Variants in INSYN1 observed in about 807,000 individuals in gnomAD.
The protein encoded by INSYN1 is UPF0583 protein C15orf59.
A neutral mutation model predicts 17.1 loss-of-function variants in INSYN1; 7 were observed. The observed-to-expected ratio is 0.41, with a 90% CI of 0.23 to 0.77. INSYN1 has a LOEUF of 0.77. Ranked by LOEUF, INSYN1 falls within the 30% of genes least tolerant of loss-of-function variation. The pLI is 0.32. For missense variants in INSYN1, 339 were observed against 400.6 expected (o/e 0.85, Z 1.31); for synonymous variants, 174 against 166.3 (o/e 1.05, Z -0.36).
chr15:73,750,880 T>C, intron 2 of INSYN1, 95 bp downstream of exon 2: 1 of 1,364,280 alleles, frequency 7.3e-7, no homozygotes, highest in Non-Finnish European at 1.0e-6. Context: ...TGCACGCAGC[T>C]TTGCACACTC....
intron 2 of INSYN1, among the ~76,000 whole-genome samples, chr15:73,744,856 A>T (rs1484022712): frequency 1.3e-5 from 2 of 152,078 alleles, no homozygotes; most frequent in African/African-American, 4.8e-5. Flanking sequence ...GTGTTTGCCG[A>T]GGGGGGCAAT....
In INSYN1 at chr15:73,751,090, T is replaced by C. The variant is rs766573002; in HGVS notation, c.41A>G (p.Asp14Gly). ...RGAPDLGQPS[D>G]DPSSGGERER... ...CCGCTCACCACCACTGCTGGGGTCG[T>C]CACTGGGCTGCCCGAGGTCCGGGGC... Residue 14 changes from aspartate to glycine, a missense_variant, in exon 2 of 3, where the codon GAC (aspartate) becomes GGC (glycine). By Grantham distance (94) the Asp-to-Gly change is moderately conservative. Transcript: ENST00000569673. 1.2e-6 allele frequency: 2 copies of C among 1,613,994 alleles called. No individual in the cohort carries two copies. The highest frequency in any genetic ancestry group is 2.2e-5 in the South Asian group (2 of 91,086).
At chr15:73,747,455 G>A (rs1193960360) in intron 2 of INSYN1, among the ~76,000 whole-genome samples, 1 of 152,214 alleles carries the variant, frequency 6.6e-6, no homozygotes, top group African/African-American at 2.4e-5. Context: ...GCCAGTTTTA[G>A]AATAATTCAT....
intron 2 of INSYN1, among the ~76,000 whole-genome samples, chr15:73,749,161 T>A (rs1400199757): frequency 3.9e-5 from 6 of 151,994 alleles, no homozygotes; most frequent in Non-Finnish European, 8.8e-5. Flanking sequence ...GCATAAGAGA[T>A]CATCTCTGGA....
rs947219328 is a variant in INSYN1, at chr15:73,739,956, G to A, written c.843C>T (p.Pro281=). 1.2e-6 allele frequency: 2 copies of A among 1,604,140 alleles called. No individual in the cohort carries two copies. Among genetic ancestry groups the A allele is most frequent in the Non-Finnish European group, 1.7e-6 (2 of 1,174,936 alleles). Reference sequence around the variant, plus strand: ...TGGCTTTCTGTCTAGTGGCTGTGTAGGGCAGAACCGTCTGCGTGCTCTTGT... The same window carrying A: ...TGGCTTTCTGTCTAGTGGCTGTGTAAGGCAGAACCGTCTGCGTGCTCTTGT... The part of the protein sequence containing the change: ...VSDKSTQTVL[P]YTATRQKARG... The change falls in exon 3 of 3, where the codon CCC becomes CCT. Residue 281 remains proline (P), a synonymous_variant. Coordinates refer to ENST00000569673, the MANE Select transcript of INSYN1 (RefSeq NM_001039614.3).
intron 2 of INSYN1, among the ~76,000 whole-genome samples, chr15:73,749,239 G>A (rs1433224329): frequency 6.6e-6 from 1 of 152,206 alleles, no homozygotes; most frequent in Non-Finnish European, 1.5e-5. Context: ...AAAGGCATCA[G>A]GAACCCGAGT....
In INSYN1 at chr15:73,739,618, C is replaced by T. The variant is rs1214591976; in HGVS notation, c.*299G>A. ...CTCCACCACAGAGTTCAGGGGCTAG[C>T]AAAAGGAGGATCAGACCTCCCATCA... On this transcript the variant is annotated 3_prime_UTR_variant, in exon 3 of 3. Transcript: ENST00000569673. 1 of 153,220 alleles carries T rather than the reference C, an allele frequency of 6.5e-6. No individual in the cohort carries two copies. Among genetic ancestry groups the T allele is most frequent in the African/African-American group, 2.4e-5 (1 of 41,438 alleles). 9.5% of individuals were successfully genotyped at this position (153,220 alleles called of 1,614,324 possible). A position where few individuals can be genotyped will look rare whatever the true frequency, so the allele number is the denominator to read the frequency against.
At chr15:73,751,802 AT>A (rs36121333) in intron 1 of INSYN1, 105 bp from the exon 2 acceptor site, 134,428 of 152,076 alleles carry the variant, frequency 0.88, 59,752 homozygotes, top group Non-Finnish European at 0.93. Context: ...CTCGCTGGGG[AT>A]TTTTTTTTCT....
intron 2 of INSYN1, 123 bp from the exon 3 acceptor site, chr15:73,740,765 A>G: frequency 1.2e-6 from 1 of 814,982 alleles, no homozygotes. Context: ...GACAGGGGAG[A>G]GCCTGTAGGA....
intron 2 of INSYN1, among the ~76,000 whole-genome samples, chr15:73,749,279 G>A (rs1046199028): frequency 6.6e-6 from 1 of 152,194 alleles, no homozygotes; most frequent in Non-Finnish European, 1.5e-5. Flanking sequence ...CTGGTAGGCT[G>A]TGTAACCTTG....
intron 2 of INSYN1, among the ~76,000 whole-genome samples, chr15:73,749,099 G>C (rs368336213): frequency 6.6e-5 from 10 of 152,246 alleles, no homozygotes; most frequent in African/African-American, 1.4e-4. Flanking sequence ...GGGAAGGAGA[G>C]GGCATCTAAA....
chr15:73,740,330 G>C lies in INSYN1; in HGVS notation c.469C>G (p.Pro157Ala). Reference sequence around the variant, plus strand: ...AAGGCCTCCTCACTGGAGGAGTCTGGGGTCTCCACTCGTGGCCCATTGGGG... The same window carrying C: ...AAGGCCTCCTCACTGGAGGAGTCTGCGGTCTCCACTCGTGGCCCATTGGGG... ...PIPNGPRVETPDSSSEEAFGA... is the reference protein window; with the variant it reads ...PIPNGPRVETADSSSEEAFGA... Residue 157 changes from proline (P) to alanine (A), a missense_variant, in exon 3 of 3, where the codon CCA becomes GCA. By Grantham distance (27) the Pro-to-Ala change is conservative. Transcript: ENST00000569673. The C allele has an allele frequency of 1.2e-6, 2 of 1,610,670 alleles. No individual in the cohort carries two copies. The highest frequency in any genetic ancestry group is 4.5e-5 in the East Asian group (2 of 44,848).
rs1272251846 is a variant in INSYN1, at chr15:73,753,207, C to T, written c.-1665G>A. On this transcript the variant is annotated 5_prime_UTR_variant, in exon 1 of 3. Transcript: ENST00000569673. This position sits in a 1 kb window ranked among gnomAD's most constrained non-coding sequence, Gnocchi z 4.2. ...GCCTGGGCCCGCTCCCCAAGCGCCG[C>T]GGCGCCGCGCCGCCCGCGCCCCGGC... 1.4e-5 allele frequency among the ~76,000 whole-genome samples: 2 copies of T among 144,404 alleles called. No individual in the cohort carries two copies. Among genetic ancestry groups the T allele is most frequent in the South Asian group, 4.3e-4 (2 of 4,682 alleles). 94.7% of individuals were successfully genotyped at this position (144,404 alleles called of 152,430 possible).
chr15:73,746,876 C>A (rs1264756963), intron 2 of INSYN1, among the ~76,000 whole-genome samples: 1 of 152,034 alleles, frequency 6.6e-6, no homozygotes, highest in Non-Finnish European at 1.5e-5. Flanking sequence ...CTTAACCCTG[C>A]CTTTGGGAGC....
intron 2 of INSYN1, among the ~76,000 whole-genome samples, chr15:73,742,311 C>T (rs1901710494): frequency 6.6e-6 from 1 of 152,136 alleles, no homozygotes; most frequent in Non-Finnish European, 1.5e-5. Context: ...GGACCTCAAC[C>T]TCATTCACCT....
At chr15:73,749,922 C>G (rs1901935495) in intron 2 of INSYN1, among the ~76,000 whole-genome samples, 1 of 152,186 alleles carries the variant, frequency 6.6e-6, no homozygotes, top group African/African-American at 2.4e-5. Flanking sequence ...TGCAATGCCA[C>G]TTTGCCAGCC....
rs766595724 is a variant in INSYN1 at position 73,737,735 on chromosome 15, T to C, written c.*2182A>G. On this transcript the variant is annotated 3_prime_UTR_variant, in exon 3 of 3. Coordinates refer to ENST00000569673, the MANE Select transcript of INSYN1 (RefSeq NM_001039614.3). ...GACCGGCCTGTACAATCTCACTGTA[T>C]GTCCACAGCCGGGGCTGGATAGCAC... 5 of 152,282 alleles carry C rather than the reference T, an allele frequency of 3.3e-5. No individual in the cohort carries two copies. Among genetic ancestry groups the C allele is most frequent in the Non-Finnish European group, 5.9e-5 (4 of 68,098 alleles). 9.4% of individuals were successfully genotyped at this position (152,282 alleles called of 1,614,324 possible). A position where few individuals can be genotyped will look rare whatever the true frequency, so the allele number is the denominator to read the frequency against.
Position 73,740,047 on chromosome 15 carries a change from C to A in INSYN1, c.752G>T (p.Gly251Val). Residue 251 changes from glycine (G) to valine (V), a missense_variant, in exon 3 of 3, where the codon GGC becomes GTC. Coordinates refer to ENST00000569673, the MANE Select transcript of INSYN1 (RefSeq NM_001039614.3). The stretch of plus-strand genomic sequence containing the variant: ...AGTCTGTTCAGGGGCCAAGGTAGAG[C>A]CTGAGTGGCGGCTGGTCAGTGGAGA... The part of the protein sequence containing the change: ...RRSPLTSRHS[G>V]STLAPEQTRR... 2 of 1,613,706 alleles carry A rather than the reference C, an allele frequency of 1.2e-6. No individual in the cohort carries two copies. Among genetic ancestry groups the A allele is most frequent in the South Asian group, 2.2e-5 (2 of 91,056 alleles).
chr15:73,735,843 A>T lies in INSYN1; in HGVS notation c.*4074T>A, dbSNP rs1596033614. On this transcript the variant is annotated 3_prime_UTR_variant, in exon 3 of 3. Coordinates refer to ENST00000569673, the MANE Select transcript of INSYN1 (RefSeq NM_001039614.3). ...TACTTAGACATAAGTAAGATTGCTT[A>T]TCTCATACGTGCTGTGAGGAGTAAA... The T allele has an allele frequency of 6.6e-6, 1 of 152,272 alleles. No homozygotes were observed. The highest frequency in any genetic ancestry group is 1.9e-4 in the East Asian group (1 of 5,200). The allele number at this position is 152,272 out of a possible 1,614,324, so 9.4% of individuals were successfully genotyped here.
Sources: gnomAD v4.1 joint callset for allele counts (sites outside exome capture counted in the v4.1 genomes callset) on GRCh38, gnomAD v4.1.1 for gene constraint, Gnocchi (gnomAD v3.1) non-coding constraint, MANE v1.5 for transcripts, NCBI Gene and HGNC (gene_info 2026-07-23, HGNC 2026-07-21) for gene names.